The following NUP214 variants were observed in gnomAD, a reference collection of about 807,000 sequenced individuals.
NUP214 encodes the protein nuclear pore complex protein Nup214.
NUP214 carries 79 observed loss-of-function variants against 196.2 expected under a neutral mutation model. The ratio of observed to expected loss-of-function variants is 0.40; its 90% CI spans 0.34 to 0.49. The LOEUF (loss-of-function observed/expected upper bound fraction) is 0.49. NUP214 is among the 20% of genes least tolerant of loss of function. The pLI is 0.58. For synonymous variants in NUP214, 1,020 were observed against 990.5 expected, an observed-to-expected ratio of 1.03 and a Z score of -0.56; for missense variants, 2,468 against 2,539.0, an observed-to-expected ratio of 0.97 and a Z score of 0.60.
intron 14 of NUP214, among the ~76,000 whole-genome samples, chr9:131,148,316 T>G (rs2133505563): frequency 6.6e-6 from 1 of 152,378 alleles, no homozygotes; most frequent in South Asian, 2.1e-4. Flanking sequence ...ATCCATGTCG[T>G]TGTATGGAAT....
At chr9:131,129,186 A>G in intron 3 of NUP214, 93 bp from the exon 4 acceptor site, 4 of 1,021,418 alleles carry the variant, frequency 3.9e-6, no homozygotes, top group Non-Finnish European at 5.9e-6. Context: ...GATTTGAGAT[A>G]CCTTGTGTAT....
intron 11 of NUP214, among the ~76,000 whole-genome samples, chr9:131,142,243 G>A (rs558742834): frequency 6.6e-6 from 1 of 152,318 alleles, no homozygotes; most frequent in South Asian, 2.1e-4. Flanking sequence ...AGGAGCCTCT[G>A]GGATGGGACG....
chr9:131,141,408 C>T (rs2133480191), intron 11 of NUP214, among the ~76,000 whole-genome samples: 1 of 151,678 alleles, frequency 6.6e-6, no homozygotes, highest in South Asian at 2.1e-4. Context: ...AAAATGAATG[C>T]ACACATATAA....
At chr9:131,182,835 T>C (rs1489605102) in intron 24 of NUP214, among the ~76,000 whole-genome samples, 1 of 152,228 alleles carries the variant, frequency 6.6e-6, no homozygotes, top group Admixed American at 6.5e-5. Flanking sequence ...TCTCTATGAC[T>C]CTATTTTAAC....
chr9:131,166,753 C>T (rs1328682855), intron 21 of NUP214, among the ~76,000 whole-genome samples: 1 of 151,706 alleles, frequency 6.6e-6, no homozygotes, highest in African/African-American at 2.4e-5. Context: ...AGAGTTTTGC[C>T]TTTGCCTTTT....
chr9:131,190,513 T>G (rs1833569116), intron 26 of NUP214: 1 of 680,308 alleles, frequency 1.5e-6, no homozygotes, highest in Non-Finnish European at 2.6e-6. Context: ...CTTTTTTCTT[T>G]TGGTAGGAAA....
At chr9:131,181,607 G>A (rs899463370) in intron 24 of NUP214, among the ~76,000 whole-genome samples, 47 of 152,072 alleles carry the variant, frequency 3.1e-4, no homozygotes, top group African/African-American at 9.9e-4. Flanking sequence ...ATCTTTTCAC[G>A]TGCTTATTGG....
chr9:131,186,664 T>C (rs1263505344), intron 24 of NUP214, among the ~76,000 whole-genome samples: 1 of 152,234 alleles, frequency 6.6e-6, no homozygotes, highest in Non-Finnish European at 1.5e-5. Flanking sequence ...GAAATAACAG[T>C]TCCTCACATA....
intron 23 of NUP214, among the ~76,000 whole-genome samples, chr9:131,176,978 C>T (rs866923862): frequency 1.4e-4 from 22 of 152,210 alleles, no homozygotes; most frequent in Middle Eastern, 3.4e-3. Context: ...ACCCCCACAA[C>T]AAAGGGTTAT....
At chr9:131,206,518 A>T (rs1834093338) in intron 30 of NUP214, among the ~76,000 whole-genome samples, 1 of 151,852 alleles carries the variant, frequency 6.6e-6, no homozygotes, top group African/African-American at 2.4e-5. Flanking sequence ...AGTCACAGGT[A>T]ACTGCAGCCT....
chr9:131,213,403 G>A (rs1301538703), intron 30 of NUP214, among the ~76,000 whole-genome samples: 1 of 152,166 alleles, frequency 6.6e-6, no homozygotes, highest in Non-Finnish European at 1.5e-5. Context: ...TTGAGCTCCC[G>A]ACCTCAGGTG....
At chr9:131,195,091 G>A in intron 27 of NUP214, 142 bp from the exon 28 acceptor site, 1 of 620,850 alleles carries the variant, frequency 1.6e-6, no homozygotes, top group African/African-American at 1.9e-5. Flanking sequence ...TGAGATAGGT[G>A]CTTTGACTCT....
chr9:131,223,723 A>ATTTTTTTTTTTTTTTTTTTTTTTT (rs1222974193), intron 32 of NUP214, among the ~76,000 whole-genome samples: 2 of 18,968 alleles, frequency 1.1e-4, no homozygotes, highest in South Asian at 2.5e-3. Context: ...TTATTTATTT[A>ATTTTTTTTTTTTTTTTTTTTTTTT]TTTATTTTTT....
At position 131,127,591 on chromosome 9, in the gene NUP214, G is replaced by A. The variant is rs1185489620; in HGVS notation, c.113G>A (p.Arg38His). 2 of 1,614,068 alleles carry A rather than the reference G, an allele frequency of 1.2e-6. No homozygotes were observed. Among genetic ancestry groups the A allele is most frequent in the East Asian group, 2.2e-5 (1 of 44,884 alleles). Residue 38 changes from arginine to histidine, a missense_variant, in exon 2 of 36, where the codon CGC becomes CAC. Transcript: ENST00000359428. ...FDSPEELPKE[R>H]SSLLAVSNKY... The stretch of plus-strand genomic sequence containing the variant: ...TCCCCTGAGGAATTGCCCAAGGAAC[G>A]CTCGAGTCTGCTTGCTGTGTCCAAC...
At chr9:131,151,247 G>A (rs1011776855) in intron 16 of NUP214, among the ~76,000 whole-genome samples, 2 of 152,192 alleles carry the variant, frequency 1.3e-5, no homozygotes, top group African/African-American at 4.8e-5. Context: ...CGCATCACTT[G>A]TATTATCTCA....
At chr9:131,217,203 CTAGT>C (rs1161984327) in intron 31 of NUP214, among the ~76,000 whole-genome samples, 3 of 152,088 alleles carry the variant, frequency 2.0e-5, no homozygotes, top group African/African-American at 7.2e-5. Context: ...AAACAAAAAC[CTAGT>C]TATTTTGATG....
At chr9:131,130,147 T>TG (rs1240703737) in intron 4 of NUP214, among the ~76,000 whole-genome samples, 1 of 109,618 alleles carries the variant, frequency 9.1e-6, no homozygotes. Context: ...GTTTTTTTTT[T>TG]TTTGTTTTTT....
chr9:131,218,836 A>T (rs1238640017), intron 31 of NUP214, among the ~76,000 whole-genome samples: 2 of 152,060 alleles, frequency 1.3e-5, no homozygotes, highest in Non-Finnish European at 2.9e-5. Context: ...TACCTTTCTG[A>T]CTGTACTCAG....
intron 24 of NUP214, among the ~76,000 whole-genome samples, chr9:131,186,233 A>G (rs1833447244): frequency 1.3e-5 from 2 of 152,274 alleles, no homozygotes; most frequent in South Asian, 4.1e-4. Flanking sequence ...AGAGATGCAT[A>G]TTTATAGCTG....
Sources: gnomAD v4.1 joint callset for allele counts (sites outside exome capture counted in the v4.1 genomes callset) on GRCh38, gnomAD v4.1.1 for gene constraint, MANE v1.5 for transcripts, NCBI Gene and HGNC (gene_info 2026-07-23, HGNC 2026-07-21) for gene names.